Variants in UNC5D observed in about 807,000 individuals in gnomAD.
UNC5D encodes unc-5 netrin receptor D.
In UNC5D, 39 loss-of-function variants were observed where a neutral mutation model predicts 105.4. The ratio of observed to expected loss-of-function variants is 0.37; its 90% confidence interval spans 0.29 to 0.48. UNC5D has a LOEUF of 0.48. UNC5D is among the 20% of genes least tolerant of loss of function. The pLI, the probability that UNC5D is intolerant of heterozygous loss-of-function variation, is 0.98. For synonymous variants in UNC5D, 452 were observed against 450.4 expected (o/e 1.00, Z -0.04); for missense variants, 991 against 1,202.4 (o/e 0.82, Z 2.60).
chr8:35,289,704 A>T (rs912526355), intron 1 of UNC5D, among the ~76,000 whole-genome samples: 1 of 152,236 alleles, frequency 6.6e-6, no homozygotes, highest in Non-Finnish European at 1.5e-5. Flanking sequence ...ATAGCAAGAA[A>T]ACAACTCAAA....
At chr8:35,635,109 G>A (rs1369365239) in intron 4 of UNC5D, among the ~76,000 whole-genome samples, 1 of 152,112 alleles carries the variant, frequency 6.6e-6, no homozygotes, top group East Asian at 1.9e-4. Context: ...CTGACTTCTT[G>A]GAAGAGTGCA....
At chr8:35,493,281 CAAAAA>C (rs35199794) in intron 1 of UNC5D, among the ~76,000 whole-genome samples, 2 of 67,166 alleles carry the variant, frequency 3.0e-5, no homozygotes, top group Admixed American at 3.7e-4. Flanking sequence ...AGTCTGTGAC[CAAAAA>C]AAAAAAAAAA....
At chr8:35,766,757 G>T in intron 14 of UNC5D, 145 bp from the exon 15 acceptor site, 1 of 953,086 alleles carries the variant, frequency 1.0e-6, no homozygotes. Context: ...CACTAAAGCT[G>T]CCTAGGCAAT....
chr8:35,478,979 G>A (rs1256526644), intron 1 of UNC5D, among the ~76,000 whole-genome samples: 1 of 152,162 alleles, frequency 6.6e-6, no homozygotes, highest in Admixed American at 6.6e-5. Flanking sequence ...AGAACATGAT[G>A]TGTTTTTGGA....
intron 1 of UNC5D, among the ~76,000 whole-genome samples, chr8:35,440,034 T>C (rs1807295749): frequency 1.3e-5 from 2 of 152,078 alleles, no homozygotes; most frequent in South Asian, 4.1e-4. Context: ...TCAGTGCTTT[T>C]CCCCCCATAA....
At chr8:35,553,249 C>T (rs1208454848) in intron 2 of UNC5D, among the ~76,000 whole-genome samples, 2 of 151,826 alleles carry the variant, frequency 1.3e-5, no homozygotes, top group Non-Finnish European at 2.9e-5. Context: ...TTATTGCTTC[C>T]CCCTTTTAAT....
intron 1 of UNC5D, among the ~76,000 whole-genome samples, chr8:35,362,421 C>T (rs1801906043): frequency 1.3e-5 from 2 of 152,268 alleles, no homozygotes; most frequent in South Asian, 4.1e-4. Context: ...AGAGCACTTT[C>T]TAGCTAAGTG....
intron 1 of UNC5D, among the ~76,000 whole-genome samples, chr8:35,457,025 T>C (rs184056163): frequency 9.7e-4 from 148 of 152,330 alleles, no homozygotes; most frequent in African/African-American, 3.5e-3. Context: ...ATTTATTGTA[T>C]GTCCTTGAGC....
chr8:35,639,040 C>A (rs1030075453), intron 4 of UNC5D, among the ~76,000 whole-genome samples: 1 of 152,164 alleles, frequency 6.6e-6, no homozygotes, highest in Non-Finnish European at 1.5e-5. Flanking sequence ...TTAAGTATAT[C>A]TTTCCCACAC....
chr8:35,392,308 G>A, intron 1 of UNC5D, among the ~76,000 whole-genome samples: 1 of 152,142 alleles, frequency 6.6e-6, no homozygotes. Flanking sequence ...CTGGGCCCTA[G>A]GCAACTGACC....
intron 2 of UNC5D, among the ~76,000 whole-genome samples, chr8:35,567,865 C>T (rs747619697): frequency 6.6e-5 from 10 of 152,148 alleles, no homozygotes; most frequent in Middle Eastern, 3.2e-3. Flanking sequence ...GAGAACTATT[C>T]TATTGCATGG....
chr8:35,641,366 C>CAAAAAAAAAAAAAAAAAAAAG (rs377021599), intron 4 of UNC5D, among the ~76,000 whole-genome samples: 6 of 44,292 alleles, frequency 1.4e-4, no homozygotes, highest in South Asian at 9.8e-4. Flanking sequence ...AAAAATAAAG[C>CAAAAAAAAAAAAAAAAAAAAG]AAAAAAAAAA....
At chr8:35,437,993 C>G (rs907018546) in intron 1 of UNC5D, among the ~76,000 whole-genome samples, 1 of 151,676 alleles carries the variant, frequency 6.6e-6, no homozygotes, top group Non-Finnish European at 1.5e-5. Flanking sequence ...TAACTCTGTA[C>G]TTTGTTTTTC....
chr8:35,343,729 C>A (rs1201552863), intron 1 of UNC5D, among the ~76,000 whole-genome samples: 2 of 152,114 alleles, frequency 1.3e-5, no homozygotes, highest in African/African-American at 4.8e-5. Context: ...TTTCTTCCAG[C>A]CACAGGGCTT....
At chr8:35,710,962 G>A (rs112326462) in intron 8 of UNC5D, among the ~76,000 whole-genome samples, 12 of 108,066 alleles carry the variant, frequency 1.1e-4, no homozygotes, top group Non-Finnish European at 1.7e-4. Context: ...TTTTTGAGAC[G>A]GAGTCTCGCT....
At position 35,425,185 on chromosome 8, in the gene UNC5D, T is replaced by C. The variant is rs574836853; in HGVS notation, c.104-124107T>C. On this transcript the variant is annotated intron_variant, in intron 1 of 16. Coordinates refer to ENST00000404895, the MANE Select transcript of UNC5D (RefSeq NM_080872.4). ...ATGTACCCTAAAACTTAAAGTATAA[T>C]AAAAATAAAAAGAAAAAAGAAATTG... Among the ~76,000 whole-genome samples the C allele has an allele frequency of 3.3e-5, 5 of 152,282 alleles. No homozygotes were observed. The East Asian group carries it at 9.7e-4, about 29-fold the overall frequency.
At position 35,792,288 on chromosome 8, in the gene UNC5D, A is replaced by G. The variant is rs1027567098; in HGVS notation, c.*1725A>G. On this transcript the variant is annotated 3_prime_UTR_variant, in exon 17 of 17. Transcript: ENST00000404895. Reference sequence around the variant, plus strand: ...GAATTTGTGATACCATGGGTAAGGCATGGAAGAACTCTTGAATGTGTTGGC... The same window carrying G: ...GAATTTGTGATACCATGGGTAAGGCGTGGAAGAACTCTTGAATGTGTTGGC... 1.3e-5 allele frequency: 2 copies of G among 152,154 alleles called. No homozygotes were observed. The highest frequency in any genetic ancestry group is 2.9e-5 in the Non-Finnish European group (2 of 68,022). The allele number at this position is 152,154 out of a possible 1,614,324, so 9.4% of individuals were successfully genotyped here.
chr8:35,726,733 G>T, intron 10 of UNC5D: 1 of 732,308 alleles, frequency 1.4e-6, no homozygotes, highest in Non-Finnish European at 2.2e-6. Context: ...TCTCAGCATG[G>T]ATTGAATGCT....
At chr8:35,525,277 G>C (rs930287700) in intron 1 of UNC5D, 2 of 1,612,054 alleles carry the variant, frequency 1.2e-6, no homozygotes, top group Non-Finnish European at 1.7e-6. Flanking sequence ...ACTATTTTGC[G>C]TACATGGCTC....
Sources: allele counts gnomAD v4.1 joint callset (sites outside exome capture counted in the v4.1 genomes callset), GRCh38; gene constraint gnomAD v4.1.1; transcripts MANE v1.5; gene names NCBI Gene and HGNC (gene_info 2026-07-23, HGNC 2026-07-21).